Variants in FBXW4 observed in about 807,000 individuals in gnomAD.
FBXW4 encodes the protein F-box and WD repeat domain containing 4, also known as F-box/WD repeat-containing protein 4.
Under a neutral mutation model 61.8 loss-of-function variants are expected in FBXW4, and 40 were observed. That is an observed-to-expected ratio of 0.65 (90% CI 0.50 to 0.84). The LOEUF (loss-of-function observed/expected upper bound fraction) is 0.84, where lower values mean the gene tolerates loss of function less well. FBXW4 is among the 40% of genes least tolerant of loss of function. The pLI is 0.00. For synonymous variants in FBXW4, 311 were observed against 313.8 expected, an observed-to-expected ratio of 0.99 and a Z score of 0.10; for missense variants, 672 against 753.8, an observed-to-expected ratio of 0.89 and a Z score of 1.27.
intron 6 of FBXW4, among the ~76,000 whole-genome samples, chr10:101,617,609 A>G (rs1050385179): frequency 9.2e-5 from 14 of 152,182 alleles, no homozygotes; most frequent in Non-Finnish European, 1.5e-4. Context: ...ACCCACGCAC[A>G]TGTGTTCAGA....
chr10:101,669,213 G>A (rs1231589261), intron 4 of FBXW4, among the ~76,000 whole-genome samples: 1 of 152,028 alleles, frequency 6.6e-6, no homozygotes, highest in African/African-American at 2.4e-5. Flanking sequence ...AAATGAGGAG[G>A]GGCAGAAAAC....
chr10:101,615,058 C>T (rs2063815790), intron 6 of FBXW4, among the ~76,000 whole-genome samples: 1 of 152,174 alleles, frequency 6.6e-6, no homozygotes, highest in Non-Finnish European at 1.5e-5. Flanking sequence ...TTTCTTACTG[C>T]AAGTGTGTTC....
At chr10:101,644,836 A>G (rs2064082396) in intron 5 of FBXW4, among the ~76,000 whole-genome samples, 1 of 152,178 alleles carries the variant, frequency 6.6e-6, no homozygotes, top group African/African-American at 2.4e-5. Flanking sequence ...CCCTCCAGTC[A>G]TGCCAACAAA....
At chr10:101,673,082 C>G (rs758585336) in intron 3 of FBXW4, 35 bp from the exon 4 acceptor site, 8 of 1,600,092 alleles carry the variant, frequency 5.0e-6, no homozygotes, top group Non-Finnish European at 6.0e-6. Context: ...CCCCAAGAAC[C>G]AATTATTCTT....
chr10:101,621,200 C>T (rs546119802), intron 6 of FBXW4, among the ~76,000 whole-genome samples: 1 of 152,338 alleles, frequency 6.6e-6, no homozygotes, highest in East Asian at 1.9e-4. Context: ...TCCGCCTCCA[C>T]TAGTCACTAA....
At chr10:101,667,033 C>T (rs2064309046) in intron 5 of FBXW4, among the ~76,000 whole-genome samples, 1 of 151,888 alleles carries the variant, frequency 6.6e-6, no homozygotes, top group South Asian at 2.1e-4. Flanking sequence ...TGATCGAGAC[C>T]ATCCTGGCTA....
chr10:101,653,982 G>A (rs946221409), intron 5 of FBXW4, among the ~76,000 whole-genome samples: 1 of 152,058 alleles, frequency 6.6e-6, no homozygotes. Flanking sequence ...TTAGCCAGGT[G>A]TGGTGGCATG....
At chr10:101,652,124 G>A (rs947216677) in intron 5 of FBXW4, among the ~76,000 whole-genome samples, 2 of 151,002 alleles carry the variant, frequency 1.3e-5, no homozygotes, top group Non-Finnish European at 2.9e-5. Context: ...TCCTCACTCC[G>A]CCCTCCTCAC....
intron 5 of FBXW4, among the ~76,000 whole-genome samples, chr10:101,644,421 A>G (rs777820165): frequency 6.6e-6 from 1 of 152,212 alleles, no homozygotes; most frequent in Non-Finnish European, 1.5e-5. Flanking sequence ...TGGGAAGTGG[A>G]GACACTCAAG....
intron 5 of FBXW4, among the ~76,000 whole-genome samples, chr10:101,638,680 A>T (rs2064024698): frequency 6.6e-6 from 1 of 152,224 alleles, no homozygotes. Context: ...ACTCATTTTG[A>T]AGTTACCTGA....
chr10:101,642,429 C>G (rs1157845736), intron 5 of FBXW4, among the ~76,000 whole-genome samples: 1 of 151,670 alleles, frequency 6.6e-6, no homozygotes, highest in East Asian at 1.9e-4. Flanking sequence ...AGTATCTGAG[C>G]CTCAGGTTCC....
intron 5 of FBXW4, among the ~76,000 whole-genome samples, chr10:101,640,711 T>C (rs1404154358): frequency 6.6e-6 from 1 of 150,516 alleles, no homozygotes; most frequent in Non-Finnish European, 1.5e-5. Context: ...TGGTCTCAAA[T>C]GGTCTCAAAC....
chr10:101,690,641 A>C (rs1014246802), intron 1 of FBXW4, among the ~76,000 whole-genome samples: 1 of 152,234 alleles, frequency 6.6e-6, no homozygotes, highest in Non-Finnish European at 1.5e-5. Context: ...TACTCAACAA[A>C]GCTATGATCA....
intron 5 of FBXW4, among the ~76,000 whole-genome samples, chr10:101,640,974 G>A (rs971576011): frequency 6.6e-6 from 1 of 151,812 alleles, no homozygotes; most frequent in Non-Finnish European, 1.5e-5. Flanking sequence ...GGGATTACTG[G>A]CACCCGCCAC....
intron 6 of FBXW4, among the ~76,000 whole-genome samples, chr10:101,621,514 C>A (rs1258270544): frequency 6.6e-6 from 1 of 152,078 alleles, no homozygotes; most frequent in East Asian, 1.9e-4. Flanking sequence ...GGTGACAGAG[C>A]AAGTCCCTGT....
intron 1 of FBXW4, among the ~76,000 whole-genome samples, chr10:101,687,818 C>T (rs2064549623): frequency 6.6e-6 from 1 of 152,174 alleles, no homozygotes; most frequent in Non-Finnish European, 1.5e-5. Flanking sequence ...ACACTAAATG[C>T]TCTTCAATTC....
chr10:101,632,876 A>T (rs10786640), intron 5 of FBXW4, among the ~76,000 whole-genome samples: 24,997 of 152,190 alleles, frequency 0.16, 2,389 homozygotes, highest in Middle Eastern at 0.23. Flanking sequence ...AAGCATGCAA[A>T]AAGACAAGCT....
intron 6 of FBXW4, among the ~76,000 whole-genome samples, chr10:101,616,958 G>A (rs568982624): frequency 2.6e-5 from 4 of 152,342 alleles, no homozygotes; most frequent in East Asian, 1.9e-4. Flanking sequence ...TGGAAATCCC[G>A]TCTGGTAGCA....
chr10:101,684,581 T>C (rs2064514403), intron 1 of FBXW4, among the ~76,000 whole-genome samples: 1 of 152,188 alleles, frequency 6.6e-6, no homozygotes, highest in Non-Finnish European at 1.5e-5. Flanking sequence ...GAATTTTATA[T>C]TAACACTATC....
Sources: allele counts gnomAD v4.1 joint callset (sites outside exome capture counted in the v4.1 genomes callset), GRCh38; gene constraint gnomAD v4.1.1; transcripts MANE v1.5; gene names NCBI Gene and HGNC (gene_info 2026-07-23, HGNC 2026-07-21).